PLAG1: variants seen among roughly 807,000 people sequenced by gnomAD.
The protein encoded by PLAG1 is PLAG1 zinc finger.
A neutral mutation model predicts 35.5 loss-of-function variants in PLAG1; 7 were observed. That is an observed-to-expected ratio of 0.20 (90% CI 0.11 to 0.37). The LOEUF (loss-of-function observed/expected upper bound fraction) is 0.37, where lower values mean the gene tolerates loss of function less well. Among genes scored for constraint, PLAG1 ranks in the 10% least tolerant of loss-of-function variants. PLAG1 has a pLI of 1.00. For synonymous variants in PLAG1, 229 were observed against 225.4 expected, an observed-to-expected ratio of 1.02 and a Z score of -0.14; for missense variants, 454 against 602.8, an observed-to-expected ratio of 0.75 and a Z score of 2.58.
At position 56,166,337 on chromosome 8, in the gene PLAG1, A is replaced by C; in HGVS notation, c.1409T>G (p.Ile470Arg). ...CAGTGAGTGCAGAGACCCAAGCCCTATAGTGTTTGCAGGATCCTGAAGATC... is the reference window on the plus strand; with the variant it reads ...CAGTGAGTGCAGAGACCCAAGCCCTCTAGTGTTTGCAGGATCCTGAAGATC... ...TQDLQDPANT[I>R]GLGSLHSLSA... The change falls in exon 5 of 5, where the codon ATA becomes AGA. Residue 470 changes from isoleucine (I) to arginine (R), a missense_variant. Transcript: ENST00000316981. 6.2e-7 allele frequency: 1 copy of C among 1,613,824 alleles called. No individual in the cohort carries two copies. Among genetic ancestry groups the C allele is most frequent in the Non-Finnish European group, 8.5e-7 (1 of 1,179,760 alleles).
rs1275825136 is a variant in PLAG1 at position 56,166,878 on chromosome 8, G to A, written c.868C>T (p.Leu290Phe). Residue 290 changes from leucine (L) to phenylalanine (F), a missense_variant, in exon 5 of 5, where the codon CTC becomes TTC. Physicochemically the swap from Leu to Phe is conservative, Grantham distance 22. Around this residue, in one of 4 missense-constraint regions of PLAG1, gnomAD observed 271 missense variants for 315.6 expected, o/e 0.86. Transcript: ENST00000316981. ...KPFTNTLQLN[L>F]YNTPFQSMQS... ...ATGGACTGAAATGGAGTGTTGTAGA[G>A]GTTTAACTGCAAAGTGTTTGTGAAT... The A allele has an allele frequency of 6.2e-7, 1 of 1,614,128 alleles. No individual in the cohort carries two copies. Among genetic ancestry groups the A allele is most frequent in the South Asian group, 1.1e-5 (1 of 91,070 alleles).
chr8:56,173,757 C>A (rs966728041), intron 2 of PLAG1, among the ~76,000 whole-genome samples: 10 of 151,990 alleles, frequency 6.6e-5, no homozygotes, highest in African/African-American at 2.4e-4. Flanking sequence ...TTTGTTGGTA[C>A]CAGAAGAAGC....
intron 1 of PLAG1, among the ~76,000 whole-genome samples, chr8:56,193,883 TA>T: frequency 6.6e-6 from 1 of 151,966 alleles, no homozygotes. Context: ...CACACCTGGG[TA>T]ATTTTTTGTA....
At chr8:56,169,743 T>A (rs1334714739) in intron 3 of PLAG1, among the ~76,000 whole-genome samples, 2 of 152,190 alleles carry the variant, frequency 1.3e-5, no homozygotes, top group African/African-American at 4.8e-5. Context: ...AGGGTCTCAA[T>A]ATGTTGCCCA....
At chr8:56,196,935 C>T (rs1019374081) in intron 1 of PLAG1, among the ~76,000 whole-genome samples, 1 of 147,298 alleles carries the variant, frequency 6.8e-6, no homozygotes, top group African/African-American at 2.5e-5. Context: ...CAGGCACCCT[C>T]TCCCTCCCTA....
chr8:56,201,074 T>G (rs917085400), intron 1 of PLAG1, among the ~76,000 whole-genome samples: 13 of 152,126 alleles, frequency 8.5e-5, no homozygotes, highest in African/African-American at 3.1e-4. Flanking sequence ...CCCAAACCCA[T>G]GGAGATTACA....
chr8:56,187,372 G>A (rs4263734), intron 1 of PLAG1, among the ~76,000 whole-genome samples: 21,717 of 152,208 alleles, frequency 0.14, 1,791 homozygotes, highest in Middle Eastern at 0.19. Flanking sequence ...AAGCAGTGCA[G>A]GGGAATAGCA....
At chr8:56,186,112 C>A (rs1812010018) in intron 1 of PLAG1, among the ~76,000 whole-genome samples, 1 of 152,144 alleles carries the variant, frequency 6.6e-6, no homozygotes, top group Non-Finnish European at 1.5e-5. Flanking sequence ...CAGACTGGAG[C>A]TCTGCAGGAG....
chr8:56,181,626 C>T (rs1341145360), intron 1 of PLAG1, among the ~76,000 whole-genome samples: 3 of 152,124 alleles, frequency 2.0e-5, no homozygotes, highest in Admixed American at 6.5e-5. Context: ...ATATAGATGA[C>T]GGGTTGATGG....
At chr8:56,199,278 CAT>C (rs1812477931) in intron 1 of PLAG1, among the ~76,000 whole-genome samples, 2 of 152,160 alleles carry the variant, frequency 1.3e-5, no homozygotes, top group African/African-American at 4.8e-5. Flanking sequence ...GTTTGCCAAA[CAT>C]GTGGAATCCT....
chr8:56,183,289 T>TA (rs905169108), intron 1 of PLAG1, among the ~76,000 whole-genome samples: 1 of 152,078 alleles, frequency 6.6e-6, no homozygotes, highest in African/African-American at 2.4e-5. Context: ...TAAGCAAAAA[T>TA]AAAAAATATT....
intron 1 of PLAG1, among the ~76,000 whole-genome samples, chr8:56,204,844 T>A (rs368888873): frequency 6.6e-6 from 1 of 151,848 alleles, no homozygotes; most frequent in Admixed American, 6.6e-5. Context: ...TAATGGCACA[T>A]CCTTCACAAT....
intron 2 of PLAG1, among the ~76,000 whole-genome samples, chr8:56,175,806 T>C (rs1471033244): frequency 6.6e-6 from 1 of 152,058 alleles, no homozygotes; most frequent in Non-Finnish European, 1.5e-5. Context: ...AATTCCAAAG[T>C]GGAATCAGAA....
At position 56,202,067 on chromosome 8, in the gene PLAG1, T is replaced by C. The variant is rs1812571442; in HGVS notation, c.-322+9054A>G. ...TTAAAGGATCAGAACCTCTGCTTTC[T>C]TATTTGATCAATTTCAAGCTAGATT... On this transcript the variant is annotated intron_variant, in intron 1 of 4. Transcript: ENST00000316981. 3.9e-5 allele frequency among the ~76,000 whole-genome samples: 6 copies of C among 152,164 alleles called. No individual in the cohort carries two copies. The South Asian group carries it at 1.0e-3, about 26-fold the overall frequency.
intron 1 of PLAG1, among the ~76,000 whole-genome samples, chr8:56,202,536 G>C (rs1812584014): frequency 6.6e-6 from 1 of 152,182 alleles, no homozygotes; most frequent in African/African-American, 2.4e-5. Context: ...TTTTAATTCT[G>C]GAAGAGTATC....
chr8:56,192,900 A>G (rs989778131), intron 1 of PLAG1, among the ~76,000 whole-genome samples: 1 of 152,180 alleles, frequency 6.6e-6, no homozygotes, highest in African/African-American at 2.4e-5. Flanking sequence ...ACAGACACAA[A>G]CACAAAAGAC....
At chr8:56,169,140 A>G (rs544000144) in intron 3 of PLAG1, among the ~76,000 whole-genome samples, 1 of 152,322 alleles carries the variant, frequency 6.6e-6, no homozygotes, top group Admixed American at 6.5e-5. Context: ...CGTTTTTCAC[A>G]TCACAAAAAT....
chr8:56,187,591 T>TTATATTCAG (rs1159061920), intron 1 of PLAG1, among the ~76,000 whole-genome samples: 1 of 152,204 alleles, frequency 6.6e-6, no homozygotes, highest in African/African-American at 2.4e-5. Flanking sequence ...TGCAAAGCTG[T>TTATATTCAG]TATATTCAGA....
intron 1 of PLAG1, among the ~76,000 whole-genome samples, chr8:56,205,714 C>T (rs1282162819): frequency 1.3e-5 from 2 of 151,730 alleles, no homozygotes; most frequent in Non-Finnish European, 3.0e-5. Context: ...TTAAAAGGCA[C>T]CAAAAAAAAT....
Sources: gnomAD v4.1 joint callset for allele counts (sites outside exome capture counted in the v4.1 genomes callset) on GRCh38, gnomAD v4.1.1 for gene constraint, gnomAD v4.1.1 regional missense constraint, MANE v1.5 for transcripts, NCBI Gene and HGNC (gene_info 2026-07-23, HGNC 2026-07-21) for gene names.